The following ZIK1 variants were observed in gnomAD, a reference collection of about 807,000 sequenced individuals.
The protein encoded by ZIK1 is zinc finger protein interacting with K protein 1.
Under a neutral mutation model 10.7 loss-of-function variants are expected in ZIK1, and 12 were observed. The observed-to-expected ratio is 1.12, with a 90% CI of 0.72 to 1.81. The LOEUF (loss-of-function observed/expected upper bound fraction) is 1.81, where lower values mean the gene tolerates loss of function less well. Ranked by LOEUF, ZIK1 falls within the 40% of genes most tolerant of loss-of-function variation. The probability of loss-of-function intolerance (pLI) is 0.00; values close to 1 mark genes in which losing one functional copy is unlikely to be tolerated. For synonymous variants in ZIK1, 190 were observed against 205.0 expected (o/e 0.93, Z 0.63); for missense variants, 497 against 585.7 (o/e 0.85, Z 1.56).
intron 2 of ZIK1, 103 bp from the exon 3 acceptor site, chr19:57,588,436 C>T (rs1447038797): frequency 2.4e-6 from 3 of 1,266,706 alleles, no homozygotes; most frequent in Non-Finnish European, 3.1e-6. Flanking sequence ...GAGTGGGCAT[C>T]TGTGTCACCA....
chr19:57,591,455 C>T lies in ZIK1; in HGVS notation c.*180C>T, dbSNP rs979615886. The T allele has an allele frequency of 7.8e-6, 5 of 642,670 alleles. No individual in the cohort carries two copies. The East Asian group carries it at 8.2e-5, about 11-fold the overall frequency. The allele number at this position is 642,670 out of a possible 1,614,324, so 39.8% of individuals were successfully genotyped here. A position where few individuals can be genotyped will look rare whatever the true frequency, so the allele number is the denominator to read the frequency against. On this transcript the variant is annotated 3_prime_UTR_variant, in exon 4 of 4. Coordinates refer to ENST00000597850, the MANE Select transcript of ZIK1 (RefSeq NM_001010879.4). ...CATCTGCCTGAAGTTGAACCTCATT[C>T]TTCCTTGTTTCTCTGGTAGAAACCA... is the stretch of plus-strand genomic sequence containing the variant.
chr19:57,591,449 C>G lies in ZIK1; in HGVS notation c.*174C>G. The G allele has an allele frequency of 1.5e-6, 1 of 650,444 alleles. No homozygotes were observed. 40.3% of individuals were successfully genotyped at this position (650,444 alleles called of 1,614,324 possible). A position where few individuals can be genotyped will look rare whatever the true frequency, so the allele number is the denominator to read the frequency against. On this transcript the variant is annotated 3_prime_UTR_variant, in exon 4 of 4. Transcript: ENST00000597850. ...GGGAGCCATCTGCCTGAAGTTGAACCTCATTCTTCCTTGTTTCTCTGGTAG... is the reference window on the plus strand; with the variant it reads ...GGGAGCCATCTGCCTGAAGTTGAACGTCATTCTTCCTTGTTTCTCTGGTAG...
chr19:57,589,859 C>G, intron 3 of ZIK1, 152 bp from the exon 4 acceptor site: 2 of 1,104,064 alleles, frequency 1.8e-6, no homozygotes. Flanking sequence ...TTTAGAGATC[C>G]AGTATTGCAA....
chr19:57,587,641 A>C (rs1474890046), intron 2 of ZIK1, among the ~76,000 whole-genome samples: 2 of 152,112 alleles, frequency 1.3e-5, no homozygotes, highest in African/African-American at 4.8e-5. Context: ...GTGAGAAATA[A>C]ATTTCTGTTG....
At chr19:57,586,723 T>G (rs1979194728) in intron 2 of ZIK1, among the ~76,000 whole-genome samples, 1 of 152,180 alleles carries the variant, frequency 6.6e-6, no homozygotes, top group African/African-American at 2.4e-5. Flanking sequence ...CAGTCCATTT[T>G]CACACTGCTG....
intron 2 of ZIK1, among the ~76,000 whole-genome samples, chr19:57,587,162 G>C (rs1206093986): frequency 6.6e-6 from 1 of 152,082 alleles, no homozygotes; most frequent in Non-Finnish European, 1.5e-5. Context: ...CCTATGGTTC[G>C]ATTACCTCTC....
rs1464193754 is a variant in ZIK1, at chr19:57,588,558, A to G, written c.92A>G (p.Asp31Gly). 2.6e-6 allele frequency: 4 copies of G among 1,556,598 alleles called. No homozygotes were observed. Among genetic ancestry groups the G allele is most frequent in the Non-Finnish European group, 3.5e-6 (4 of 1,146,546 alleles). Residue 31 changes from aspartate (D) to glycine (G), a missense_variant, in exon 3 of 4, where the codon GAC becomes GGC. Transcript: ENST00000597850. ...DLTKGCVTFE[D>G]IAIYFSQDEW... is the part of the protein sequence containing the mutation. ...TGACAGGGCTGTGTGACCTTTGAGG[A>G]CATCGCCATTTACTTCTCACAGGAC...
At chr19:57,589,304 C>T in intron 3 of ZIK1, 1 of 985,336 alleles carries the variant, frequency 1.0e-6, no homozygotes, top group Admixed American at 6.1e-5. Flanking sequence ...TGGTTGGGGG[C>T]ATGATATCCG....
At chr19:57,587,083 C>G (rs1979229484) in intron 2 of ZIK1, among the ~76,000 whole-genome samples, 1 of 152,160 alleles carries the variant, frequency 6.6e-6, no homozygotes, top group Non-Finnish European at 1.5e-5. Flanking sequence ...GGGAACTCCC[C>G]CCTTATAAAA....
chr19:57,591,382 G>A lies in ZIK1; in HGVS notation c.*107G>A. ...GTAGAGCCTTAGACCTACAGGGAAA[G>A]TGCTGTCTCTGTAGTATTGTAGCAG... On this transcript the variant is annotated 3_prime_UTR_variant, in exon 4 of 4. Coordinates refer to ENST00000597850, the MANE Select transcript of ZIK1 (RefSeq NM_001010879.4). The A allele has an allele frequency of 1.7e-6, 2 of 1,158,804 alleles. No individual in the cohort carries two copies. The highest frequency in any genetic ancestry group is 2.4e-6 in the Non-Finnish European group (2 of 829,396). The allele number at this position is 1,158,804 out of a possible 1,614,324, so 71.8% of individuals were successfully genotyped here. A position where few individuals can be genotyped will look rare whatever the true frequency, so the allele number is the denominator to read the frequency against.
chr19:57,590,760 C>T lies in ZIK1; in HGVS notation c.949C>T (p.His317Tyr), dbSNP rs768223623. 2.5e-6 allele frequency: 4 copies of T among 1,614,060 alleles called. No individual in the cohort carries two copies. The East Asian group carries it at 6.7e-5, about 27-fold the overall frequency. The change falls in exon 4 of 4, where the codon CAC becomes TAC. Residue 317 changes from histidine (H) to tyrosine (Y), a missense_variant. Coordinates refer to ENST00000597850, the MANE Select transcript of ZIK1 (RefSeq NM_001010879.4). ...CAGCCTTGTTGACCACCAGAAAATA[C>T]ACACTGGAGCAAGGCCTTATGAGTG... ...NSSLVDHQKI[H>Y]TGARPYECSQ...
At chr19:57,589,163 C>A in intron 3 of ZIK1, 1 of 611,808 alleles carries the variant, frequency 1.6e-6, no homozygotes, top group Non-Finnish European at 2.0e-6. Flanking sequence ...CTCACATGTT[C>A]TGTCTTTCTG....
intron 2 of ZIK1, 135 bp downstream of exon 2, chr19:57,585,125 A>G: frequency 1.3e-6 from 1 of 753,262 alleles, no homozygotes; most frequent in African/African-American, 1.8e-5. Context: ...CTGATTCTAG[A>G]CTGGTGGTTA....
chr19:57,588,770 C>A, intron 3 of ZIK1, 105 bp downstream of exon 3: 1 of 1,224,930 alleles, frequency 8.2e-7, no homozygotes, highest in Non-Finnish European at 1.1e-6. Flanking sequence ...CTGTGCACTG[C>A]CTGAGTAGCC....
intron 2 of ZIK1, among the ~76,000 whole-genome samples, chr19:57,588,202 T>C (rs913582320): frequency 6.6e-6 from 1 of 151,878 alleles, no homozygotes; most frequent in Non-Finnish European, 1.5e-5. Context: ...AGAGGGAGTG[T>C]GAACTGAAGG....
chr19:57,590,952 T>G lies in ZIK1; in HGVS notation c.1141T>G (p.Cys381Gly). ...RIHTGAKPYE[C>G]GQCGKSFSQK... Reference sequence around the variant, plus strand: ...TCACACTGGAGCAAAGCCTTATGAGTGTGGCCAGTGTGGGAAATCCTTTAG... The same window carrying G: ...TCACACTGGAGCAAAGCCTTATGAGGGTGGCCAGTGTGGGAAATCCTTTAG... The change falls in exon 4 of 4, where the codon TGT becomes GGT. Residue 381 changes from cysteine to glycine, a missense_variant. Coordinates refer to ENST00000597850, the MANE Select transcript of ZIK1 (RefSeq NM_001010879.4). 1 of 1,613,976 alleles carries G rather than the reference T, an allele frequency of 6.2e-7. No homozygotes were observed.
chr19:57,588,485 T>C, intron 2 of ZIK1, 54 bp from the exon 3 acceptor site: 1 of 1,386,678 alleles, frequency 7.2e-7, no homozygotes. Flanking sequence ...ATTGCGTGGG[T>C]GGATGAACTT....
rs1447168455 is a variant in ZIK1 at position 57,588,625 on chromosome 19, T to C, written c.159T>C (p.Leu53=). The change falls in exon 3 of 4, where the codon CTT becomes CTC. Residue 53 remains leucine (L), a synonymous_variant. Coordinates refer to ENST00000597850, the MANE Select transcript of ZIK1 (RefSeq NM_001010879.4). ...ATGAGGCTCAGAGACTCCTGTACCT[T>C]GAAGTGATGCTGGAGAACTTTGCCC... ...LLDEAQRLLY[L]EVMLENFALV... 1 of 1,583,068 alleles carries C rather than the reference T, an allele frequency of 6.3e-7. No homozygotes were observed. Among genetic ancestry groups the C allele is most frequent in the Non-Finnish European group, 8.6e-7 (1 of 1,161,852 alleles).
intron 3 of ZIK1, chr19:57,589,579 C>T: frequency 2.0e-6 from 2 of 985,394 alleles, no homozygotes; most frequent in Non-Finnish European, 2.4e-6. Flanking sequence ...TATATGACCA[C>T]ATGAAGATAT....
Sources: gnomAD v4.1 joint callset for allele counts (sites outside exome capture counted in the v4.1 genomes callset) on GRCh38, gnomAD v4.1.1 for gene constraint, MANE v1.5 for transcripts, NCBI Gene and HGNC (gene_info 2026-07-23, HGNC 2026-07-21) for gene names.